FHIT: variants seen among roughly 807,000 people sequenced by gnomAD.
The protein encoded by FHIT is fragile histidine triad diadenosine triphosphatase, also known as bis(5'-adenosyl)-triphosphatase.
In FHIT, 19 loss-of-function variants were observed where a neutral mutation model predicts 17.9. That is an observed-to-expected ratio of 1.06 (90% CI 0.74 to 1.56). The LOEUF is 1.56. FHIT is among the 40% of genes most tolerant of loss of function. The probability of loss-of-function intolerance (pLI) is 0.00; values close to 1 mark genes in which losing one functional copy is unlikely to be tolerated. For synonymous variants in FHIT, 81 were observed against 69.7 expected (o/e 1.16, Z -0.81); for missense variants, 248 against 189.2 (o/e 1.31, Z -1.82).
chr3:60,197,927 T>C (rs1040501986), intron 5 of FHIT, among the ~76,000 whole-genome samples: 1 of 152,142 alleles, frequency 6.6e-6, no homozygotes, highest in Non-Finnish European at 1.5e-5. Flanking sequence ...TGGAGGAAGA[T>C]TCTTACTGCA....
chr3:60,589,140 G>C (rs192733632), intron 4 of FHIT, among the ~76,000 whole-genome samples: 1 of 152,140 alleles, frequency 6.6e-6, no homozygotes, highest in Non-Finnish European at 1.5e-5. Flanking sequence ...GATTTAAATA[G>C]AGAAACTATT....
intron 5 of FHIT, among the ~76,000 whole-genome samples, chr3:60,219,980 A>T (rs139082463): frequency 6.6e-6 from 1 of 152,272 alleles, no homozygotes; most frequent in South Asian, 2.1e-4. Flanking sequence ...CAGCCGAGGA[A>T]AATCCTTTGG....
chr3:60,587,434 G>A (rs892908231), intron 4 of FHIT, among the ~76,000 whole-genome samples: 1 of 151,916 alleles, frequency 6.6e-6, no homozygotes, highest in Non-Finnish European at 1.5e-5. Context: ...TGGGTTGGTA[G>A]GTTCAGTAAA....
chr3:60,605,728 G>A (rs12638171), intron 4 of FHIT, among the ~76,000 whole-genome samples: 3 of 152,196 alleles, frequency 2.0e-5, no homozygotes, highest in Admixed American at 2.0e-4. Flanking sequence ...CTAGAGGTAC[G>A]GACAGGAGGT....
chr3:59,776,401 G>A (rs377499884), intron 8 of FHIT, among the ~76,000 whole-genome samples: 6 of 152,184 alleles, frequency 3.9e-5, no homozygotes, highest in Non-Finnish European at 8.8e-5. Flanking sequence ...ACAAAAAGTG[G>A]CAAGACAGGC....
intron 8 of FHIT, among the ~76,000 whole-genome samples, chr3:59,761,631 G>GAGTC (rs1701521631): frequency 6.6e-6 from 1 of 151,600 alleles, no homozygotes; most frequent in Admixed American, 6.6e-5. Flanking sequence ...TTTCGAGATG[G>GAGTC]AGTCTTGCTC....
Position 60,471,806 on chromosome 3 carries a change from C to T in FHIT, c.103+65054G>A, listed in dbSNP as rs528982085. 1.5e-4 allele frequency among the ~76,000 whole-genome samples: 23 copies of T among 152,228 alleles called. 1 individual carries two copies. In the South Asian group the frequency reaches 2.1e-3, roughly 14 times the overall value. On this transcript the variant is annotated intron_variant, in intron 5 of 9. Coordinates refer to ENST00000492590, the MANE Select transcript of FHIT (RefSeq NM_002012.4). ...GCCATCTTGCTCTGTCTTCCCCCTG[C>T]CACCCCACCCCTCTCACATTCTTGA...
chr3:60,569,911 A>G (rs916805058), intron 4 of FHIT, among the ~76,000 whole-genome samples: 4 of 151,576 alleles, frequency 2.6e-5, no homozygotes, highest in African/African-American at 4.9e-5. Flanking sequence ...ATATCATACA[A>G]TTCACCCATT....
rs531060200 is a variant in FHIT, at chr3:61,249,305, C to T, written c.-213+1996G>A. Among the ~76,000 whole-genome samples the T allele has an allele frequency of 3.3e-5, 5 of 152,268 alleles. No individual in the cohort carries two copies. The South Asian group carries it at 1.0e-3, about 32-fold the overall frequency. ...TTACCACCTGGGCCAGTTTCCTAAT[C>T]TCTAAAATAAAGGTATTCTAAAACT... On this transcript the variant is annotated intron_variant, in intron 1 of 9. Transcript: ENST00000492590.
chr3:60,975,181 G>A (rs1435421889), intron 3 of FHIT, among the ~76,000 whole-genome samples: 1 of 152,144 alleles, frequency 6.6e-6, no homozygotes, highest in Non-Finnish European at 1.5e-5. Context: ...TAATTAGGAG[G>A]AAAGTAAAAT....
At chr3:60,634,616 C>T (rs1183621021) in intron 4 of FHIT, among the ~76,000 whole-genome samples, 1 of 152,156 alleles carries the variant, frequency 6.6e-6, no homozygotes, top group Non-Finnish European at 1.5e-5. Flanking sequence ...AGCATTTTCT[C>T]TCCAGTAATG....
At chr3:61,167,430 A>G (rs1576138349) in intron 2 of FHIT, among the ~76,000 whole-genome samples, 1 of 151,854 alleles carries the variant, frequency 6.6e-6, no homozygotes, top group Non-Finnish European at 1.5e-5. Context: ...TGAGGTCAGG[A>G]GTTCGAGACC....
At chr3:61,122,503 T>C (rs770739401) in intron 2 of FHIT, among the ~76,000 whole-genome samples, 47 of 152,140 alleles carry the variant, frequency 3.1e-4, no homozygotes, top group African/African-American at 5.8e-4. Context: ...AAATTGACAA[T>C]TGGGATCCAA....
intron 5 of FHIT, among the ~76,000 whole-genome samples, chr3:60,491,316 C>G (rs540796895): frequency 1.3e-5 from 2 of 152,098 alleles, no homozygotes; most frequent in African/African-American, 4.8e-5. Flanking sequence ...CACATACTAG[C>G]AGCCCTATGA....
chr3:60,746,390 A>G (rs192271389), intron 4 of FHIT, among the ~76,000 whole-genome samples: 1 of 152,346 alleles, frequency 6.6e-6, no homozygotes, highest in Non-Finnish European at 1.5e-5. Flanking sequence ...TTTGAAAATG[A>G]AAGGATGAGT....
chr3:60,377,934 C>G (rs1480419997), intron 5 of FHIT, among the ~76,000 whole-genome samples: 1 of 152,134 alleles, frequency 6.6e-6, no homozygotes, highest in Non-Finnish European at 1.5e-5. Flanking sequence ...ATGATTAGGA[C>G]AATTAATGAA....
chr3:60,634,085 C>A (rs1271590845), intron 4 of FHIT, among the ~76,000 whole-genome samples: 1 of 151,666 alleles, frequency 6.6e-6, no homozygotes, highest in Non-Finnish European at 1.5e-5. Flanking sequence ...GGGTGGACAT[C>A]CAATTGGCAC....
chr3:60,499,103 A>AG (rs2034419231), intron 5 of FHIT, among the ~76,000 whole-genome samples: 1 of 152,202 alleles, frequency 6.6e-6, no homozygotes, highest in Non-Finnish European at 1.5e-5. Context: ...AAGGAGTTGA[A>AG]GGGGATAAAA....
intron 8 of FHIT, among the ~76,000 whole-genome samples, chr3:59,765,813 A>C (rs1344103771): frequency 1.3e-5 from 2 of 152,242 alleles, no homozygotes; most frequent in Admixed American, 1.3e-4. Context: ...AATAGATAGA[A>C]TCTAGTAATG....
Sources: allele counts gnomAD v4.1 joint callset (sites outside exome capture counted in the v4.1 genomes callset), GRCh38; gene constraint gnomAD v4.1.1; transcripts MANE v1.5; gene names NCBI Gene and HGNC (gene_info 2026-07-23, HGNC 2026-07-21).